Variants in KCNU1 observed in about 807,000 individuals in gnomAD.
The protein encoded by KCNU1 is potassium calcium-activated channel subfamily U member 1, also known as potassium channel subfamily U member 1.
KCNU1 carries 93 observed loss-of-function variants against 126.8 expected under a neutral mutation model. The observed-to-expected ratio is 0.73, with a 90% confidence interval of 0.62 to 0.87. The LOEUF is 0.87. Among genes scored for constraint, KCNU1 ranks in the 40% least tolerant of loss-of-function variants. KCNU1 has a pLI of 0.00. For missense variants in KCNU1, 1,330 were observed against 1,367.1 expected (o/e 0.97, Z 0.43); for synonymous variants, 523 against 494.2 (o/e 1.06, Z -0.77).
At chr8:36,838,204 A>C (rs941391910) in intron 14 of KCNU1, among the ~76,000 whole-genome samples, 8 of 152,186 alleles carry the variant, frequency 5.3e-5, no homozygotes, top group Non-Finnish European at 1.0e-4. Flanking sequence ...TGATAAGGAC[A>C]CTGTCATTGT....
intron 10 of KCNU1, among the ~76,000 whole-genome samples, chr8:36,820,037 C>T (rs923483940): frequency 6.6e-6 from 1 of 152,096 alleles, no homozygotes; most frequent in Non-Finnish European, 1.5e-5. Flanking sequence ...GGAGAGAAGG[C>T]CCAGTCAGCT....
At chr8:36,910,435 A>G (rs925603291) in intron 21 of KCNU1, among the ~76,000 whole-genome samples, 1 of 151,908 alleles carries the variant, frequency 6.6e-6, no homozygotes, top group African/African-American at 2.4e-5. Flanking sequence ...ACTCCAACCT[A>G]CCGGAAGACA....
chr8:36,822,329 G>A (rs1225429173), intron 10 of KCNU1, among the ~76,000 whole-genome samples: 2 of 151,760 alleles, frequency 1.3e-5, no homozygotes, highest in Admixed American at 6.6e-5. Context: ...TAGCTCAGTC[G>A]AGGCAGCACA....
At chr8:36,907,846 C>G (rs1807692173) in intron 20 of KCNU1, among the ~76,000 whole-genome samples, 1 of 152,178 alleles carries the variant, frequency 6.6e-6, no homozygotes, top group African/African-American at 2.4e-5. Context: ...TCTGTACCAG[C>G]TTCTAAATGT....
intron 7 of KCNU1, among the ~76,000 whole-genome samples, chr8:36,809,811 T>C (rs1803643682): frequency 6.6e-6 from 1 of 152,166 alleles, no homozygotes; most frequent in East Asian, 1.9e-4. Flanking sequence ...TAATAGCTGT[T>C]TCAATGAGGG....
At chr8:36,884,476 C>T (rs938019653) in intron 19 of KCNU1, among the ~76,000 whole-genome samples, 1 of 152,180 alleles carries the variant, frequency 6.6e-6, no homozygotes, top group Non-Finnish European at 1.5e-5. Context: ...TGGCTCATGC[C>T]TGTAATCCCA....
chr8:36,823,557 A>G (rs1804205696), intron 10 of KCNU1, among the ~76,000 whole-genome samples: 1 of 152,082 alleles, frequency 6.6e-6, no homozygotes, highest in South Asian at 2.1e-4. Flanking sequence ...TATAAGGATA[A>G]CAGTATATTT....
At chr8:36,795,099 C>A (rs2130360741) in intron 2 of KCNU1, among the ~76,000 whole-genome samples, 1 of 152,186 alleles carries the variant, frequency 6.6e-6, no homozygotes, top group South Asian at 2.1e-4. Context: ...CCCCACAGGG[C>A]AAAAAAGGAT....
At chr8:36,932,776 G>A (rs970036847) in intron 25 of KCNU1, 144 bp from the exon 26 acceptor site, 8 of 607,300 alleles carry the variant, frequency 1.3e-5, no homozygotes, top group Non-Finnish European at 2.4e-5. Flanking sequence ...ATTACCTATC[G>A]CCCTGGCAGT....
intron 26 of KCNU1, among the ~76,000 whole-genome samples, chr8:36,934,879 G>C (rs956137466): frequency 6.6e-6 from 1 of 152,080 alleles, no homozygotes; most frequent in African/African-American, 2.4e-5. Context: ...TAACAGTTCT[G>C]GATATTCTTT....
At chr8:36,886,844 T>C (rs568557828) in intron 19 of KCNU1, among the ~76,000 whole-genome samples, 7 of 152,298 alleles carry the variant, frequency 4.6e-5, no homozygotes, top group South Asian at 2.1e-4. Flanking sequence ...TACCACTCTG[T>C]ATGCCTTTGC....
intron 19 of KCNU1, among the ~76,000 whole-genome samples, chr8:36,895,295 T>C (rs1397429615): frequency 2.0e-5 from 3 of 152,012 alleles, no homozygotes; most frequent in Non-Finnish European, 4.4e-5. Flanking sequence ...TCCAGGCTGG[T>C]CTCAAACACC....
chr8:36,878,362 C>T (rs1253313995), intron 19 of KCNU1, among the ~76,000 whole-genome samples: 1 of 152,184 alleles, frequency 6.6e-6, no homozygotes, highest in Non-Finnish European at 1.5e-5. Flanking sequence ...CTGTCAGCTG[C>T]ACTCTACCAC....
chr8:36,933,544 T>C (rs982802169), intron 26 of KCNU1, among the ~76,000 whole-genome samples: 1 of 151,970 alleles, frequency 6.6e-6, no homozygotes, highest in Admixed American at 6.6e-5. Context: ...TAGAAATGCA[T>C]GTGGAGGGGA....
At chr8:36,845,170 G>A (rs1805096655) in intron 16 of KCNU1, among the ~76,000 whole-genome samples, 1 of 152,174 alleles carries the variant, frequency 6.6e-6, no homozygotes, top group Non-Finnish European at 1.5e-5. Context: ...ACTTTAAATG[G>A]CAAGTGGCCT....
At chr8:36,822,596 T>C (rs1804170818) in intron 10 of KCNU1, among the ~76,000 whole-genome samples, 1 of 152,240 alleles carries the variant, frequency 6.6e-6, no homozygotes, top group Admixed American at 6.5e-5. Context: ...AACAAAGCAG[T>C]ATCTAACATA....
At chr8:36,928,342 T>A (rs1015407285) in intron 24 of KCNU1, among the ~76,000 whole-genome samples, 1 of 152,128 alleles carries the variant, frequency 6.6e-6, no homozygotes, top group African/African-American at 2.4e-5. Context: ...AATGGCATTA[T>A]GTTCGATCAC....
chr8:36,841,117 C>T, intron 16 of KCNU1, 114 bp downstream of exon 16: 1 of 724,318 alleles, frequency 1.4e-6, no homozygotes, highest in African/African-American at 1.9e-5. Flanking sequence ...AAGCTTTTTC[C>T]CTTTGGTGGA....
chr8:36,813,423 GA>G (rs2130455149), intron 7 of KCNU1, among the ~76,000 whole-genome samples: 1 of 150,218 alleles, frequency 6.7e-6, no homozygotes, highest in African/African-American at 2.4e-5. Flanking sequence ...GAGCTGAGGA[GA>G]AAAAAAGGTC....
Sources: allele counts gnomAD v4.1 joint callset (sites outside exome capture counted in the v4.1 genomes callset), GRCh38; gene constraint gnomAD v4.1.1; transcripts MANE v1.5; gene names NCBI Gene and HGNC (gene_info 2026-07-23, HGNC 2026-07-21).